Variants in TAFA5 observed in about 807,000 individuals in gnomAD.
TAFA5 encodes chemokine-like protein TAFA-5.
TAFA5 carries 6 observed loss-of-function variants against 15.3 expected under a neutral mutation model. The ratio of observed to expected loss-of-function variants is 0.39; its 90% CI spans 0.21 to 0.77. The LOEUF (loss-of-function observed/expected upper bound fraction) is 0.77. Among genes scored for constraint, TAFA5 ranks in the 30% least tolerant of loss-of-function variants. The pLI is 0.41. For synonymous variants in TAFA5, 103 were observed against 80.7 expected, an observed-to-expected ratio of 1.28 and a Z score of -1.48; for missense variants, 161 against 193.1, an observed-to-expected ratio of 0.83 and a Z score of 0.98.
At chr22:48,628,582 G>A (rs922573788) in intron 1 of TAFA5, among the ~76,000 whole-genome samples, 3 of 152,298 alleles carry the variant, frequency 2.0e-5, no homozygotes, top group Non-Finnish European at 4.4e-5. Context: ...AGGGGCCTTC[G>A]CCACCCCCTC....
chr22:48,585,328 C>T (rs953563398), intron 1 of TAFA5, among the ~76,000 whole-genome samples: 1 of 149,708 alleles, frequency 6.7e-6, no homozygotes, highest in African/African-American at 2.5e-5. Flanking sequence ...AAAATATTCA[C>T]ACACACACAC....
intron 2 of TAFA5, among the ~76,000 whole-genome samples, chr22:48,700,572 G>A (rs903896084): frequency 2.0e-5 from 3 of 150,368 alleles, no homozygotes; most frequent in Admixed American, 6.6e-5. Context: ...GCGGGCCTGG[G>A]TTTCTTCTCC....
chr22:48,578,659 C>T (rs1260135444), intron 1 of TAFA5, among the ~76,000 whole-genome samples: 2 of 152,208 alleles, frequency 1.3e-5, no homozygotes, highest in Non-Finnish European at 2.9e-5. Context: ...CCAGTGTTTG[C>T]GCAGCCCTCC....
intron 1 of TAFA5, among the ~76,000 whole-genome samples, chr22:48,612,701 T>C (rs980230058): frequency 6.6e-6 from 1 of 152,024 alleles, no homozygotes; most frequent in Non-Finnish European, 1.5e-5. Context: ...TTCTCTGAGC[T>C]CCTCCTCTGC....
chr22:48,612,403 T>G (rs540201422), intron 1 of TAFA5, among the ~76,000 whole-genome samples: 4 of 152,266 alleles, frequency 2.6e-5, no homozygotes, highest in African/African-American at 9.6e-5. Context: ...ATGGCCCGTG[T>G]ACCTCCCTGC....
intron 2 of TAFA5, among the ~76,000 whole-genome samples, chr22:48,690,367 A>G (rs1331722290): frequency 2.0e-5 from 3 of 151,974 alleles, no homozygotes; most frequent in East Asian, 1.9e-4. Flanking sequence ...GGCCGGGGCT[A>G]TGGAGGACTG....
chr22:48,615,187 A>G (rs1477504060), intron 1 of TAFA5, among the ~76,000 whole-genome samples: 1 of 152,144 alleles, frequency 6.6e-6, no homozygotes, highest in Non-Finnish European at 1.5e-5. Context: ...TCTCCAGGTG[A>G]GAGAGCTGCG....
At chr22:48,554,091 C>T (rs1569023552) in intron 1 of TAFA5, among the ~76,000 whole-genome samples, 1 of 152,232 alleles carries the variant, frequency 6.6e-6, no homozygotes. Context: ...GAGCTCAGCT[C>T]CCGCCTGGGC....
At chr22:48,623,023 G>A (rs1259431676) in intron 1 of TAFA5, among the ~76,000 whole-genome samples, 4 of 152,180 alleles carry the variant, frequency 2.6e-5, no homozygotes, top group Non-Finnish European at 4.4e-5. Flanking sequence ...AACTCCAGAC[G>A]GCCCTCTCCA....
intron 3 of TAFA5, among the ~76,000 whole-genome samples, chr22:48,715,177 G>C (rs1929365427): frequency 6.6e-6 from 1 of 152,232 alleles, no homozygotes; most frequent in African/African-American, 2.4e-5. Flanking sequence ...GCCCAGATCA[G>C]AACCCATGGG....
At chr22:48,691,978 C>T (rs910070922) in intron 2 of TAFA5, among the ~76,000 whole-genome samples, 1 of 152,190 alleles carries the variant, frequency 6.6e-6, no homozygotes, top group African/African-American at 2.4e-5. Context: ...AGTCGTCCTC[C>T]AAAGGGGCCT....
At chr22:48,538,360 G>T (rs1323507892) in intron 1 of TAFA5, among the ~76,000 whole-genome samples, 1 of 152,196 alleles carries the variant, frequency 6.6e-6, no homozygotes, top group East Asian at 1.9e-4. Flanking sequence ...GCCATGGGGC[G>T]CCCCATCCTC....
chr22:48,672,812 C>T (rs1004266740), intron 2 of TAFA5, among the ~76,000 whole-genome samples: 2 of 152,192 alleles, frequency 1.3e-5, no homozygotes, highest in Admixed American at 1.3e-4. Flanking sequence ...TTCTTTTCCT[C>T]CATTGTCTTT....
chr22:48,597,893 C>G (rs998455389), intron 1 of TAFA5, among the ~76,000 whole-genome samples: 3 of 152,310 alleles, frequency 2.0e-5, no homozygotes, highest in East Asian at 3.9e-4. Context: ...GTTGGACCAA[C>G]GCACGGGCCG....
rs568561975 is a variant in TAFA5 at position 48,655,187 on chromosome 22, C to T, written c.262+8441C>T. Among the ~76,000 whole-genome samples, 798 of 152,260 alleles carry T rather than the reference C, an allele frequency of 5.2e-3. 4 individuals carry two copies. Among genetic ancestry groups the T allele is most frequent in the Non-Finnish European group, 7.3e-3 (498 of 68,024 alleles). ...ACTCCACATCCAGCCCTGCCCAGACCCCCTGGCTGCTCCTGGAGCAAACCG... is the reference window on the plus strand; with the variant it reads ...ACTCCACATCCAGCCCTGCCCAGACTCCCTGGCTGCTCCTGGAGCAAACCG... On this transcript the variant is annotated intron_variant, in intron 2 of 3. Coordinates refer to ENST00000402357, the MANE Select transcript of TAFA5 (RefSeq NM_001082967.3).
At chr22:48,694,127 T>C (rs1414483790) in intron 2 of TAFA5, among the ~76,000 whole-genome samples, 1 of 152,222 alleles carries the variant, frequency 6.6e-6, no homozygotes, top group Admixed American at 6.5e-5. Flanking sequence ...TCTTGAGCTC[T>C]CTGAGCTTCT....
rs182844579 is a variant in TAFA5 at position 48,509,293 on chromosome 22, C to T, written c.112+19589C>T. ...CATGAGGCTGAGGCTGCCCTTTTCA[C>T]GTGCTGCTTTCCTTTCCTTTGGATA... On this transcript the variant is annotated intron_variant, in intron 1 of 3. Coordinates refer to ENST00000402357, the MANE Select transcript of TAFA5 (RefSeq NM_001082967.3). Among the ~76,000 whole-genome samples, 5 of 152,250 alleles carry T rather than the reference C, an allele frequency of 3.3e-5. No homozygotes were observed. The East Asian group carries it at 5.8e-4, about 18-fold the overall frequency.
chr22:48,641,586 C>T (rs1170163148), intron 1 of TAFA5, among the ~76,000 whole-genome samples: 1 of 150,164 alleles, frequency 6.7e-6, no homozygotes, highest in East Asian at 2.0e-4. Flanking sequence ...CACGCCCTCC[C>T]CTCCACCCCA....
intron 1 of TAFA5, among the ~76,000 whole-genome samples, chr22:48,601,089 C>G (rs1037347357): frequency 6.6e-6 from 1 of 152,242 alleles, no homozygotes; most frequent in Non-Finnish European, 1.5e-5. Flanking sequence ...ACGGCTTTAA[C>G]TACAGCCTGT....
Sources: allele counts gnomAD v4.1 joint callset (sites outside exome capture counted in the v4.1 genomes callset), GRCh38; gene constraint gnomAD v4.1.1; transcripts MANE v1.5; gene names NCBI Gene and HGNC (gene_info 2026-07-23, HGNC 2026-07-21).